Variants in PPARGC1A observed in about 807,000 individuals in gnomAD.
The protein encoded by PPARGC1A is PPARG coactivator 1 alpha.
PPARGC1A carries 25 observed loss-of-function variants against 88.7 expected under a neutral mutation model. That is an observed-to-expected ratio of 0.28 (90% CI 0.21 to 0.39). The LOEUF is 0.39. Ranked by LOEUF, PPARGC1A falls within the 10% of genes least tolerant of loss-of-function variation. PPARGC1A has a pLI of 1.00. For missense variants in PPARGC1A, 880 were observed against 968.7 expected (o/e 0.91, Z 1.22); for synonymous variants, 363 against 355.6 (o/e 1.02, Z -0.24).
At chr4:24,383,562 G>A in the PPARGC1A span, among the ~76,000 whole-genome samples, 1 of 152,052 alleles carries the variant, frequency 6.6e-6, no homozygotes, top group Non-Finnish European at 1.5e-5. Context: ...AACACATCAC[G>A]AGAACTTTGT....
chr4:24,312,439 G>C, the PPARGC1A span, among the ~76,000 whole-genome samples: 841 of 151,968 alleles, frequency 5.5e-3, 12 homozygotes, highest in Admixed American at 0.042. Flanking sequence ...AGAAGAGAAA[G>C]GATCCCAGGA....
At chr4:23,982,431 C>G in the PPARGC1A span, among the ~76,000 whole-genome samples, 2 of 152,092 alleles carry the variant, frequency 1.3e-5, no homozygotes, top group East Asian at 1.9e-4. Context: ...GCTCCTTTCT[C>G]CAATGAGCTG....
chr4:24,377,565 T>C, the PPARGC1A span, among the ~76,000 whole-genome samples: 1 of 152,150 alleles, frequency 6.6e-6, no homozygotes, highest in Non-Finnish European at 1.5e-5. Flanking sequence ...GTTTCAATCC[T>C]GGCCAAAGAG....
At chr4:24,441,626 A>G in the PPARGC1A span, among the ~76,000 whole-genome samples, 3 of 152,122 alleles carry the variant, frequency 2.0e-5, no homozygotes, top group African/African-American at 7.2e-5. Context: ...TGTCACCCCT[A>G]CAGCCCTGGC....
intron 7 of PPARGC1A, among the ~76,000 whole-genome samples, chr4:23,818,719 C>T (rs1560366334): frequency 1.3e-5 from 2 of 151,034 alleles, no homozygotes; most frequent in East Asian, 2.0e-4. Context: ...TTTTCATTAT[C>T]GCTATGAAAC....
intron 2 of PPARGC1A, among the ~76,000 whole-genome samples, chr4:23,856,524 G>A (rs6843463): frequency 0.012 from 1,772 of 152,238 alleles, 31 homozygotes; most frequent in South Asian, 0.068. Flanking sequence ...GAGATTAAAC[G>A]TCTTGCCCAT....
the PPARGC1A span, among the ~76,000 whole-genome samples, chr4:24,313,489 C>A: frequency 1.3e-5 from 2 of 152,172 alleles, no homozygotes; most frequent in African/African-American, 4.8e-5. Context: ...CTTCACATTG[C>A]GGTATACTGC....
At chr4:23,871,216 G>T (rs1437984309) in intron 2 of PPARGC1A, among the ~76,000 whole-genome samples, 1 of 149,838 alleles carries the variant, frequency 6.7e-6, no homozygotes, top group Non-Finnish European at 1.5e-5. Context: ...TTGAACAAAT[G>T]TTGCAAAGTG....
the PPARGC1A span, among the ~76,000 whole-genome samples, chr4:23,942,338 A>G: frequency 6.6e-6 from 1 of 152,294 alleles, no homozygotes; most frequent in South Asian, 2.1e-4. Context: ...TTTAGATTTT[A>G]TATCTAAATG....
the PPARGC1A span, among the ~76,000 whole-genome samples, chr4:24,265,970 C>A: frequency 6.6e-6 from 1 of 151,740 alleles, no homozygotes; most frequent in Admixed American, 6.6e-5. Context: ...CATTGAAAAG[C>A]CTAAGTTTGG....
At chr4:24,471,754 G>C in the PPARGC1A span, among the ~76,000 whole-genome samples, 1 of 152,236 alleles carries the variant, frequency 6.6e-6, no homozygotes, top group Non-Finnish European at 1.5e-5. This position sits in a 1 kb window ranked among gnomAD's most constrained non-coding sequence, Gnocchi z 5.4. Flanking sequence ...TCAAAGTTAA[G>C]TGTGTTTGTG....
At chr4:23,890,176 G>A, upstream of PPARGC1A, 3 of 938,964 alleles carry the variant, frequency 3.2e-6, no homozygotes, top group Non-Finnish European at 2.8e-6. Context: ...AACTCGTGAC[G>A]TCACTCAAAG....
At chr4:23,889,845 A>G (rs1299303047) in intron 1 of PPARGC1A, 59 bp downstream of exon 1, 1 of 1,592,902 alleles carries the variant, frequency 6.3e-7, no homozygotes, top group Non-Finnish European at 8.6e-7. Flanking sequence ...TTACAGGAAT[A>G]ATAGCATCTG....
At chr4:24,236,202 G>T in the PPARGC1A span, among the ~76,000 whole-genome samples, 2 of 152,146 alleles carry the variant, frequency 1.3e-5, no homozygotes, top group Non-Finnish European at 2.9e-5. Context: ...CTTTCGGGTC[G>T]TATCATGAGC....
intron 5 of PPARGC1A, among the ~76,000 whole-genome samples, chr4:23,826,338 C>T (rs1056560857): frequency 2.0e-5 from 3 of 152,076 alleles, no homozygotes; most frequent in African/African-American, 7.2e-5. Flanking sequence ...ACTGGTAGAC[C>T]AGAGACTAGT....
At chr4:24,383,316 C>T in the PPARGC1A span, among the ~76,000 whole-genome samples, 3 of 152,066 alleles carry the variant, frequency 2.0e-5, no homozygotes, top group Non-Finnish European at 4.4e-5. Context: ...AATGCCTCTT[C>T]TCCTTCGAAG....
At chr4:24,125,242 T>TA in the PPARGC1A span, among the ~76,000 whole-genome samples, 7,556 of 152,226 alleles carry the variant, frequency 0.05, 284 homozygotes, top group African/African-American at 0.096. Flanking sequence ...CACTTATCAT[T>TA]TCATTCTGGA....
chr4:24,271,281 C>T, the PPARGC1A span, among the ~76,000 whole-genome samples: 78 of 152,278 alleles, frequency 5.1e-4, no homozygotes, highest in African/African-American at 1.9e-3. Context: ...AAGAAATGCA[C>T]AATTCCTCCT....
chr4:23,837,550 A>G (rs1448708659), intron 2 of PPARGC1A, among the ~76,000 whole-genome samples: 3 of 152,084 alleles, frequency 2.0e-5, no homozygotes, highest in Non-Finnish European at 2.9e-5. Flanking sequence ...ACTCCCCCCA[A>G]ATACCCAGCA....
Sources: allele counts gnomAD v4.1 joint callset (sites outside exome capture counted in the v4.1 genomes callset), GRCh38; gene constraint gnomAD v4.1.1; non-coding constraint Gnocchi (gnomAD v3.1); transcripts MANE v1.5; gene names NCBI Gene and HGNC (gene_info 2026-07-23, HGNC 2026-07-21).